SAMMSON: variants seen among roughly 807,000 people sequenced by gnomAD.
The protein encoded by SAMMSON is survival associated mitochondrial melanoma specific oncogenic non-coding RNA.
chr3:70,255,520 C>A (rs906580090), intron 6 of SAMMSON, among the ~76,000 whole-genome samples: 1 of 152,160 alleles, frequency 6.6e-6, no homozygotes, highest in African/African-American at 2.4e-5. Flanking sequence ...CACCTGGGCT[C>A]AAGTGATCCT....
chr3:70,062,624 A>T (rs2067194441), intron 3 of SAMMSON, among the ~76,000 whole-genome samples: 1 of 152,072 alleles, frequency 6.6e-6, no homozygotes, highest in Non-Finnish European at 1.5e-5. Context: ...TTGATATTGC[A>T]CTGCTCTTCT....
At chr3:70,217,786 T>C (rs558776218) in intron 4 of SAMMSON, among the ~76,000 whole-genome samples, 3 of 152,266 alleles carry the variant, frequency 2.0e-5, no homozygotes, top group Admixed American at 2.0e-4. Context: ...TGAATGATCA[T>C]TGAACCTGGT....
intron 4 of SAMMSON, chr3:70,125,249 A>G (rs1485266199): frequency 7.0e-6 from 9 of 1,293,472 alleles, no homozygotes; most frequent in Non-Finnish European, 3.4e-6. Flanking sequence ...CATCAAACGT[A>G]TATCAAACAT....
intron 7 of SAMMSON, among the ~76,000 whole-genome samples, chr3:70,324,663 C>T (rs1575626078): frequency 6.6e-6 from 1 of 152,218 alleles, no homozygotes; most frequent in South Asian, 2.1e-4. Flanking sequence ...TTGAATGCAA[C>T]CCTTTTATTG....
intron 7 of SAMMSON, among the ~76,000 whole-genome samples, chr3:70,295,653 T>C (rs1040571653): frequency 2.6e-5 from 4 of 152,218 alleles, no homozygotes; most frequent in Middle Eastern, 3.4e-3. Context: ...GATTGTGTCA[T>C]TGCCCTCCAG....
At chr3:70,150,681 A>G (rs1251602744) in intron 4 of SAMMSON, among the ~76,000 whole-genome samples, 1 of 152,120 alleles carries the variant, frequency 6.6e-6, no homozygotes, top group Non-Finnish European at 1.5e-5. Flanking sequence ...GAATATTATT[A>G]GAGGTAACTG....
At chr3:70,403,656 C>T (rs564422333) in intron 2 of SAMMSON, among the ~76,000 whole-genome samples, 15 of 152,170 alleles carry the variant, frequency 9.9e-5, no homozygotes, top group Admixed American at 5.9e-4. Context: ...GAGAGACTCT[C>T]TAGGCCACAA....
At chr3:70,311,702 A>G (rs1702454494) in intron 7 of SAMMSON, among the ~76,000 whole-genome samples, 1 of 152,140 alleles carries the variant, frequency 6.6e-6, no homozygotes. Flanking sequence ...CATTTTAATA[A>G]TAAAGATCCT....
intron 4 of SAMMSON, among the ~76,000 whole-genome samples, chr3:70,229,168 T>C (rs1208337920): frequency 1.3e-5 from 2 of 152,156 alleles, no homozygotes; most frequent in Admixed American, 6.5e-5. Flanking sequence ...CCACAATTTT[T>C]AGTTATCAGC....
chr3:70,235,535 C>T (rs1479519704), intron 4 of SAMMSON, among the ~76,000 whole-genome samples: 4 of 152,204 alleles, frequency 2.6e-5, no homozygotes, highest in Non-Finnish European at 5.9e-5. Context: ...AATCAATGAT[C>T]TGTAATCAGT....
chr3:70,254,109 A>T lies in SAMMSON; in HGVS notation n.674+4439A>T, dbSNP rs189635409. Among the ~76,000 whole-genome samples, 403 of 150,116 alleles carry T rather than the reference A, an allele frequency of 2.7e-3. 6 individuals are homozygous for T. Among genetic ancestry groups the T allele is most frequent in the African/African-American group, 9.1e-3 (373 of 40,798 alleles). The stretch of plus-strand genomic sequence containing the variant: ...TTAATATTCTTTTCAGAGCATTAAA[A>T]TTTTTTGGTAATTGTACATAACAAA... On this transcript the variant is annotated intron_variant and non_coding_transcript_variant, in intron 6 of 9. Transcript: ENST00000642114.
chr3:70,345,749 C>A lies in SAMMSON; in HGVS notation n.740-8426C>A, dbSNP rs374570380. On this transcript the variant is annotated intron_variant and non_coding_transcript_variant, in intron 7 of 9. Transcript: ENST00000642114. The stretch of plus-strand genomic sequence containing the variant: ...GCAATTGGAATCATATAGTATGTAG[C>A]CTTTTCAGACTGTTTTTTTTAACTT... 1.8e-3 allele frequency among the ~76,000 whole-genome samples: 211 copies of A among 116,672 alleles called. 1 individual carries two copies. The highest frequency in any genetic ancestry group is 6.0e-3 in the African/African-American group (199 of 33,006). The allele number at this position is 116,672 out of a possible 152,430, so 76.5% of individuals were successfully genotyped here.
intron 7 of SAMMSON, among the ~76,000 whole-genome samples, chr3:70,300,257 A>C (rs940495083): frequency 6.6e-6 from 1 of 152,138 alleles, no homozygotes; most frequent in Admixed American, 6.6e-5. Context: ...AGTAAACAAC[A>C]ATCTAATACT....
chr3:70,021,167 G>T (rs2067011773), intron 3 of SAMMSON, among the ~76,000 whole-genome samples: 1 of 152,172 alleles, frequency 6.6e-6, no homozygotes, highest in Admixed American at 6.5e-5. Context: ...GAGGTGGGAA[G>T]AGAAGGGAGG....
At chr3:70,153,461 G>C (rs1342964560) in intron 4 of SAMMSON, among the ~76,000 whole-genome samples, 1 of 151,782 alleles carries the variant, frequency 6.6e-6, no homozygotes, top group Admixed American at 6.6e-5. Flanking sequence ...TGTTTTTGTG[G>C]TTGGGTCAAT....
At chr3:70,418,312 G>A (rs1701281699) in intron 2 of SAMMSON, among the ~76,000 whole-genome samples, 1 of 152,146 alleles carries the variant, frequency 6.6e-6, no homozygotes, top group African/African-American at 2.4e-5. Context: ...TCACCTTTGT[G>A]TATTCACCAC....
intron 3 of SAMMSON, among the ~76,000 whole-genome samples, chr3:70,050,516 T>C (rs567291108): frequency 6.6e-6 from 1 of 152,252 alleles, no homozygotes; most frequent in East Asian, 1.9e-4. Context: ...GACCTGTATG[T>C]GGTGCTTGGG....
intron 4 of SAMMSON, chr3:70,094,941 A>G (rs2067318233): frequency 6.6e-6 from 1 of 152,228 alleles, no homozygotes; most frequent in African/African-American, 2.4e-5. Context: ...GATTTCACCT[A>G]AAAAGGCAGG....
At chr3:70,244,047 C>A (rs902815813) in intron 4 of SAMMSON, among the ~76,000 whole-genome samples, 1 of 152,186 alleles carries the variant, frequency 6.6e-6, no homozygotes, top group Non-Finnish European at 1.5e-5. Context: ...GATTCTAATT[C>A]TTCACAGATT....
Sources: allele counts gnomAD v4.1 joint callset (sites outside exome capture counted in the v4.1 genomes callset), GRCh38; gene constraint gnomAD v4.1.1; transcripts MANE v1.5; gene names NCBI Gene and HGNC (gene_info 2026-07-23, HGNC 2026-07-21).